RAD54B: variants seen among roughly 807,000 people sequenced by gnomAD.
RAD54B encodes RAD54 homolog B, also known as DNA repair and recombination protein RAD54B.
RAD54B carries 78 observed loss-of-function variants against 95.8 expected under a neutral mutation model. That is an observed-to-expected ratio of 0.81 (90% CI 0.68 to 0.98). RAD54B has a LOEUF of 0.98. Among genes scored for constraint, RAD54B ranks in the 50% least tolerant of loss-of-function variants. RAD54B has a pLI of 0.00. For synonymous variants in RAD54B, 328 were observed against 354.9 expected (o/e 0.92, Z 0.85); for missense variants, 957 against 1,056.6 (o/e 0.91, Z 1.31).
At position 94,393,827 on chromosome 8, in the gene RAD54B, A is replaced by C; in HGVS notation, c.1434T>G (p.Asn478Lys). Residue 478 changes from asparagine (N) to lysine (K), a missense_variant, in exon 9 of 15, where the codon AAT becomes AAG. Asn to Lys is a moderately conservative substitution (Grantham distance 94). Transcript: ENST00000336148. ...ATGACAAAGAGCCTAATATTCCTGG[A>C]TTTACAAAATCAATTAATGCAAAAA... ...QEFFALIDFV[N>K]PGILGSLSSY... is the part of the protein sequence containing the mutation. 6.3e-7 allele frequency: 1 copy of C among 1,596,026 alleles called. No homozygotes were observed. The highest frequency in any genetic ancestry group is 8.6e-7 in the Non-Finnish European group (1 of 1,165,122).
At position 94,442,432 on chromosome 8, in the gene RAD54B, A is replaced by G. The variant is rs556553502; in HGVS notation, c.304+15836T>C. Among the ~76,000 whole-genome samples the G allele has an allele frequency of 2.1e-3, 315 of 152,188 alleles. 3 individuals carry two copies. Among genetic ancestry groups the G allele is most frequent in the African/African-American group, 6.4e-3 (266 of 41,516 alleles). On this transcript the variant is annotated intron_variant, in intron 3 of 14. Coordinates refer to ENST00000336148, the MANE Select transcript of RAD54B (RefSeq NM_012415.3). ...CTACTAAAAATACAAAACATTAGCC[A>G]GGCGTGGTGGCAGGCGCCTGTAGTC...
chr8:94,387,198 G>GT (rs759395258), intron 10 of RAD54B, 39 bp from the exon 11 acceptor site: 14 of 1,481,574 alleles, frequency 9.4e-6, no homozygotes, highest in East Asian at 2.5e-5. Flanking sequence ...GCTCAAGTTT[G>GT]TTTTTTTAAT....
intron 3 of RAD54B, chr8:94,430,662 C>A: frequency 1.4e-6 from 1 of 722,250 alleles, no homozygotes; most frequent in Non-Finnish European, 1.7e-6. Context: ...AAAGTGGAAG[C>A]CCAATGGCTC....
In RAD54B at chr8:94,430,794, G is replaced by A. The variant is rs142215704; in HGVS notation, c.305-19479C>T. On this transcript the variant is annotated intron_variant, in intron 3 of 14. Coordinates refer to ENST00000336148, the MANE Select transcript of RAD54B (RefSeq NM_012415.3). ...GCAGATTTCTGGTTTATCCCCGCAT[G>A]TGAAAATTCTGCTGGAGCTAAACAG... 585 of 985,432 alleles carry A rather than the reference G, an allele frequency of 5.9e-4. 3 individuals are homozygous for A. In the African/African-American group the frequency reaches 9.5e-3, roughly 16 times the overall value. The allele number at this position is 985,432 out of a possible 1,614,324, so 61.0% of individuals were successfully genotyped here. A position where few individuals can be genotyped will look rare whatever the true frequency, so the allele number is the denominator to read the frequency against.
rs144361330 is a variant in RAD54B at position 94,405,679 on chromosome 8, C to T, written c.782-1440G>A. ...TGGATTTCCAGTCAAGAAATGGCCC[C>T]GTTATTTTTCTATCTTTTAAAAAGG... On this transcript the variant is annotated intron_variant, in intron 5 of 14. Coordinates refer to ENST00000336148, the MANE Select transcript of RAD54B (RefSeq NM_012415.3). Among the ~76,000 whole-genome samples the T allele has an allele frequency of 1.3e-4, 20 of 152,028 alleles. No individual in the cohort carries two copies. In the East Asian group the frequency reaches 3.5e-3, roughly 26 times the overall value.
chr8:94,378,766 A>C, intron 12 of RAD54B, 132 bp from the exon 13 acceptor site: 80 of 626,450 alleles, frequency 1.3e-4, no homozygotes, highest in East Asian at 3.4e-4. Context: ...AACAAATCTC[A>C]GGTGTGTGAA....
intron 3 of RAD54B, among the ~76,000 whole-genome samples, chr8:94,426,380 T>C (rs1479638161): frequency 6.6e-6 from 1 of 152,174 alleles, no homozygotes; most frequent in Non-Finnish European, 1.5e-5. Context: ...CTAACTAACA[T>C]TATGTCCATG....
At chr8:94,421,701 G>A (rs1811810320) in intron 3 of RAD54B, among the ~76,000 whole-genome samples, 1 of 151,674 alleles carries the variant, frequency 6.6e-6, no homozygotes, top group South Asian at 2.1e-4. Flanking sequence ...CAGTCCCACA[G>A]ACAATCAACC....
intron 11 of RAD54B, among the ~76,000 whole-genome samples, chr8:94,384,371 T>A (rs1810818857): frequency 1.3e-5 from 2 of 152,144 alleles, no homozygotes; most frequent in Admixed American, 6.5e-5. Context: ...CTGGAGGACA[T>A]TATGTTAAGT....
chr8:94,395,439 G>C (rs892024323), intron 8 of RAD54B, among the ~76,000 whole-genome samples: 1 of 152,126 alleles, frequency 6.6e-6, no homozygotes, highest in Admixed American at 6.6e-5. Flanking sequence ...TAAGGCAAGG[G>C]AGCTGCCATT....
At chr8:94,424,672 G>A (rs555652764) in intron 3 of RAD54B, among the ~76,000 whole-genome samples, 20 of 152,052 alleles carry the variant, frequency 1.3e-4, no homozygotes, top group African/African-American at 3.6e-4. Flanking sequence ...TGTAAACTGG[G>A]TTCTGATCTA....
At chr8:94,426,987 G>A (rs1181726569) in intron 3 of RAD54B, among the ~76,000 whole-genome samples, 1 of 152,052 alleles carries the variant, frequency 6.6e-6, no homozygotes, top group Non-Finnish European at 1.5e-5. Context: ...TGGATAAATA[G>A]GTGATGAAGC....
intron 3 of RAD54B, among the ~76,000 whole-genome samples, chr8:94,457,892 G>A (rs1305858581): frequency 6.6e-6 from 1 of 152,068 alleles, no homozygotes; most frequent in Non-Finnish European, 1.5e-5. Context: ...AAGTACTCCA[G>A]ACTCTAATGA....
At chr8:94,438,606 G>A (rs1243407768) in intron 3 of RAD54B, among the ~76,000 whole-genome samples, 2 of 151,996 alleles carry the variant, frequency 1.3e-5, no homozygotes, top group African/African-American at 4.8e-5. Context: ...ATTTTCAGAA[G>A]AAATACAGGT....
intron 6 of RAD54B, among the ~76,000 whole-genome samples, chr8:94,400,859 T>C (rs1438396648): frequency 6.6e-6 from 1 of 152,138 alleles, no homozygotes; most frequent in Non-Finnish European, 1.5e-5. Context: ...TTATATTTAA[T>C]CAGCAAGATC....
intron 3 of RAD54B, among the ~76,000 whole-genome samples, chr8:94,453,146 C>T (rs975732723): frequency 1.3e-5 from 2 of 152,086 alleles, no homozygotes; most frequent in Non-Finnish European, 1.5e-5. Context: ...TTTGTAATAA[C>T]GAAAGATCCC....
intron 5 of RAD54B, among the ~76,000 whole-genome samples, chr8:94,406,985 CTAG>C (rs1258848513): frequency 1.3e-5 from 2 of 152,048 alleles, no homozygotes; most frequent in African/African-American, 4.8e-5. Flanking sequence ...GGAACTTTCA[CTAG>C]TAAAATTTGG....
rs71273330 is a variant in RAD54B, at chr8:94,377,545, GAAAAAAAAAAAAAAAAAAAAAAA to G, written c.2515+612_2515+634del. On this transcript the variant is annotated intron_variant, in intron 14 of 14. Coordinates refer to ENST00000336148, the MANE Select transcript of RAD54B (RefSeq NM_012415.3). ...AGCAACAGAGCCAGACCCTGTCTTG[GAAAAAAAAAAAAAAAAAAAAAAA>G]AAAAAAAAAAAAACTCTAACTCCAA... Among the ~76,000 whole-genome samples the G allele has an allele frequency of 6.5e-3, 457 of 70,584 alleles. 5 individuals carry two copies. The highest frequency in any genetic ancestry group is 0.031 in the African/African-American group (427 of 13,914). The allele number at this position is 70,584 out of a possible 152,430, so 46.3% of individuals were successfully genotyped here. A position where few individuals can be genotyped will look rare whatever the true frequency, so the allele number is the denominator to read the frequency against.
chr8:94,430,540 G>A (rs1812065990), intron 3 of RAD54B: 2 of 786,998 alleles, frequency 2.5e-6, no homozygotes, highest in Non-Finnish European at 3.1e-6. Flanking sequence ...CACCCCCAGG[G>A]TTTCTAATTC....
Sources: gnomAD v4.1 joint callset for allele counts (sites outside exome capture counted in the v4.1 genomes callset) on GRCh38, gnomAD v4.1.1 for gene constraint, MANE v1.5 for transcripts, NCBI Gene and HGNC (gene_info 2026-07-23, HGNC 2026-07-21) for gene names.